The following TTC29 variants were observed in gnomAD, a reference collection of about 807,000 sequenced individuals.
TTC29 encodes the protein tetratricopeptide repeat protein 29.
A neutral mutation model predicts 58.1 loss-of-function variants in TTC29; 49 were observed. That is an observed-to-expected ratio of 0.84 (90% CI 0.67 to 1.07). TTC29 has a LOEUF of 1.07. Ranked by LOEUF, TTC29 falls within the 50% of genes least tolerant of loss-of-function variation. TTC29 has a pLI of 0.00. For missense variants in TTC29, 582 were observed against 555.6 expected (o/e 1.05, Z -0.48); for synonymous variants, 209 against 196.8 (o/e 1.06, Z -0.52).
At chr4:146,891,271 A>G (rs1039203946) in intron 6 of TTC29, among the ~76,000 whole-genome samples, 5 of 152,160 alleles carry the variant, frequency 3.3e-5, no homozygotes, top group African/African-American at 1.2e-4. Context: ...TTTAAAATAT[A>G]TAATGTTGAT....
At chr4:146,769,138 T>C (rs972198508) in intron 11 of TTC29, among the ~76,000 whole-genome samples, 8 of 152,084 alleles carry the variant, frequency 5.3e-5, no homozygotes, top group Admixed American at 2.0e-4. Flanking sequence ...CTTTCTTTCC[T>C]TAAAAACTAC....
intron 8 of TTC29, among the ~76,000 whole-genome samples, chr4:146,845,689 C>G (rs747353363): frequency 1.3e-5 from 2 of 152,120 alleles, no homozygotes; most frequent in Non-Finnish European, 2.9e-5. Context: ...TCACCCCAGC[C>G]GTACAGACCT....
intron 4 of TTC29, among the ~76,000 whole-genome samples, chr4:146,910,943 GTTCTCT>G (rs1244073058): frequency 1.3e-5 from 2 of 152,196 alleles, no homozygotes; most frequent in Non-Finnish European, 2.9e-5. Context: ...GGAGGGCCAT[GTTCTCT>G]TTCTCTTTCT....
At position 146,833,706 on chromosome 4, in the gene TTC29, T is replaced by C. The variant is rs1728318300; in HGVS notation, c.977+100A>G. ...CTTAAGAAGGGCACTGCTTAAAATT[T>C]AAGCAGGCAGTAATGGAAAGCGACA... is the stretch of plus-strand genomic sequence containing the variant. On this transcript the variant is annotated intron_variant, in intron 9 of 12. Coordinates refer to ENST00000325106, the MANE Select transcript of TTC29 (RefSeq NM_031956.4). The C allele has an allele frequency of 1.4e-5, 13 of 898,172 alleles. No individual in the cohort carries two copies. In the South Asian group the frequency reaches 1.6e-4, roughly 11 times the overall value. 55.6% of individuals were successfully genotyped at this position (898,172 alleles called of 1,614,324 possible).
intron 11 of TTC29, among the ~76,000 whole-genome samples, chr4:146,777,000 G>A (rs915533996): frequency 1.3e-5 from 2 of 152,134 alleles, no homozygotes; most frequent in African/African-American, 2.4e-5. Context: ...TCACACTGGC[G>A]GTGGTGGTGG....
chr4:146,886,015 T>G (rs1237929862), intron 6 of TTC29, among the ~76,000 whole-genome samples: 2 of 152,144 alleles, frequency 1.3e-5, no homozygotes, highest in African/African-American at 4.8e-5. Flanking sequence ...TTGCCAACAT[T>G]TTTCTTACCA....
chr4:146,895,304 C>T (rs938044395), intron 6 of TTC29, among the ~76,000 whole-genome samples: 1 of 152,126 alleles, frequency 6.6e-6, no homozygotes, highest in Non-Finnish European at 1.5e-5. Context: ...AACCAGGGAG[C>T]TCACTTTTTG....
intron 11 of TTC29, among the ~76,000 whole-genome samples, chr4:146,727,206 T>C (rs4476620): frequency 0.78 from 118,218 of 151,956 alleles, 47,098 homozygotes; most frequent in South Asian, 0.88. Flanking sequence ...TTTTTACATA[T>C]TTTATTTTTT....
intron 10 of TTC29, among the ~76,000 whole-genome samples, chr4:146,818,835 C>T (rs1467159249): frequency 6.7e-6 from 1 of 150,062 alleles, no homozygotes; most frequent in Non-Finnish European, 1.5e-5. Context: ...ATCGCAAGGA[C>T]AAAAAACCAA....
At chr4:146,738,085 T>A (rs1055736310) in intron 11 of TTC29, among the ~76,000 whole-genome samples, 14 of 152,222 alleles carry the variant, frequency 9.2e-5, no homozygotes, top group Admixed American at 7.9e-4. Flanking sequence ...CTCTACCGTC[T>A]ATGAATGGAA....
intron 10 of TTC29, among the ~76,000 whole-genome samples, chr4:146,816,018 C>G (rs1321606112): frequency 1.3e-5 from 2 of 152,142 alleles, no homozygotes; most frequent in Non-Finnish European, 2.9e-5. Context: ...GAGTTTATAT[C>G]TCAGCAATGT....
chr4:146,754,386 T>C (rs1008453281), intron 11 of TTC29, among the ~76,000 whole-genome samples: 10 of 152,020 alleles, frequency 6.6e-5, no homozygotes, highest in African/African-American at 2.2e-4. Context: ...AGAAGAATTA[T>C]ACCAATACTT....
chr4:146,719,619 T>C (rs998071922), intron 11 of TTC29, among the ~76,000 whole-genome samples: 1 of 152,196 alleles, frequency 6.6e-6, no homozygotes, highest in Non-Finnish European at 1.5e-5. Flanking sequence ...ATTTACTTTC[T>C]TGTCTTTTAG....
At chr4:146,918,023 T>C (rs1380864121) in intron 4 of TTC29, among the ~76,000 whole-genome samples, 1 of 150,726 alleles carries the variant, frequency 6.6e-6, no homozygotes, top group Non-Finnish European at 1.5e-5. Context: ...AATACATAAA[T>C]AAAATCTGCC....
chr4:146,783,564 A>ATAAG (rs1363258330), intron 11 of TTC29, among the ~76,000 whole-genome samples: 1 of 152,112 alleles, frequency 6.6e-6, no homozygotes, highest in Non-Finnish European at 1.5e-5. Context: ...ATGCCTTAAC[A>ATAAG]TAAGTTCAGT....
At chr4:146,926,502 C>T (rs1399970011) in intron 4 of TTC29, among the ~76,000 whole-genome samples, 1 of 151,862 alleles carries the variant, frequency 6.6e-6, no homozygotes, top group African/African-American at 2.4e-5. Context: ...AGACGGAGTC[C>T]TGCCTTGTCG....
rs1392131798 is a variant in TTC29, at chr4:146,804,186, C to G, written c.1102-501G>C. On this transcript the variant is annotated intron_variant, in intron 10 of 12. Transcript: ENST00000325106. The stretch of plus-strand genomic sequence containing the variant: ...TCTAGCCAAGGGAAGCTGTGAGGGA[C>G]TGTGCTGTGAGGAATGGTGCTCTGT... 2.0e-5 allele frequency among the ~76,000 whole-genome samples: 3 copies of G among 152,300 alleles called. No individual in the cohort carries two copies. In the East Asian group the frequency reaches 5.8e-4, roughly 29 times the overall value.
At chr4:146,716,615 T>C (rs926653665) in intron 11 of TTC29, among the ~76,000 whole-genome samples, 1 of 152,070 alleles carries the variant, frequency 6.6e-6, no homozygotes, top group Non-Finnish European at 1.5e-5. Context: ...TCGTAAAAAT[T>C]GAGTTTTCTA....
chr4:146,749,471 C>A (rs1233327593), intron 11 of TTC29, among the ~76,000 whole-genome samples: 1 of 151,920 alleles, frequency 6.6e-6, no homozygotes, highest in African/African-American at 2.4e-5. Flanking sequence ...TGACCTCCAT[C>A]AGAGGAAAAG....
Sources: allele counts gnomAD v4.1 joint callset (sites outside exome capture counted in the v4.1 genomes callset), GRCh38; gene constraint gnomAD v4.1.1; transcripts MANE v1.5; gene names NCBI Gene and HGNC (gene_info 2026-07-23, HGNC 2026-07-21).